RFX8: variants seen among roughly 807,000 people sequenced by gnomAD.
The protein encoded by RFX8 is regulatory factor X8.
A neutral mutation model predicts 54.6 loss-of-function variants in RFX8; 46 were observed. The observed-to-expected ratio is 0.84, with a 90% CI of 0.67 to 1.08. The LOEUF is 1.08. Among genes scored for constraint, RFX8 ranks in the 50% least tolerant of loss-of-function variants. The probability of loss-of-function intolerance (pLI) is 0.00; values close to 1 mark genes in which losing one functional copy is unlikely to be tolerated. For synonymous variants in RFX8, 192 were observed against 209.5 expected (o/e 0.92, Z 0.72); for missense variants, 536 against 562.3 (o/e 0.95, Z 0.47).
chr2:101,465,295 G>T (rs1486971645), intron 2 of RFX8, among the ~76,000 whole-genome samples: 1 of 151,990 alleles, frequency 6.6e-6, no homozygotes, highest in Non-Finnish European at 1.5e-5. Context: ...TCACGAGGTC[G>T]GGAGATCGAG....
intron 2 of RFX8, among the ~76,000 whole-genome samples, chr2:101,451,495 C>T (rs61488668): frequency 0.041 from 6,213 of 151,824 alleles, 388 homozygotes; most frequent in African/African-American, 0.13. Context: ...TGAGACCAGC[C>T]TGGCCAACAT....
At chr2:101,437,273 C>CA (rs1307881742) in intron 2 of RFX8, among the ~76,000 whole-genome samples, 12 of 150,942 alleles carry the variant, frequency 8.0e-5, no homozygotes, top group Admixed American at 4.6e-4. Context: ...CCGTCTCTTA[C>CA]AAAAAAAATA....
intron 3 of RFX8, among the ~76,000 whole-genome samples, chr2:101,422,067 A>G (rs948214583): frequency 1.8e-4 from 28 of 152,044 alleles, no homozygotes; most frequent in African/African-American, 4.8e-5. Flanking sequence ...CTAAACTTCA[A>G]TTTTCCCCCT....
intron 2 of RFX8, chr2:101,450,665 T>A (rs1174828449): frequency 6.7e-7 from 1 of 1,494,170 alleles, no homozygotes; most frequent in African/African-American, 1.4e-5. Flanking sequence ...TGATACAGAT[T>A]CCATCATAAT....
At chr2:101,409,910 G>A (rs1384474672) in intron 9 of RFX8, among the ~76,000 whole-genome samples, 1 of 152,098 alleles carries the variant, frequency 6.6e-6, no homozygotes, top group Non-Finnish European at 1.5e-5. Flanking sequence ...CTGCCCCCAT[G>A]GAGGATGATG....
chr2:101,432,572 C>T (rs1233799580), intron 2 of RFX8, among the ~76,000 whole-genome samples: 2 of 152,168 alleles, frequency 1.3e-5, no homozygotes, highest in Non-Finnish European at 2.9e-5. Flanking sequence ...TGGAGGTGGC[C>T]GTTTCAGACA....
Position 101,421,775 on chromosome 2 carries a change from C to T in RFX8, c.186G>A (p.Met62Ile), listed in dbSNP as rs896621403. 29 of 1,548,362 alleles carry T rather than the reference C, an allele frequency of 1.9e-5. No individual in the cohort carries two copies. In the Admixed American group the frequency reaches 3.6e-4, roughly 19 times the overall value. Residue 62 changes from methionine to isoleucine, a missense_variant and splice_region_variant, in exon 4 of 12, where the codon ATG becomes ATA. Physicochemically the swap from Met to Ile is conservative, Grantham distance 10. Coordinates refer to ENST00000428343, the MANE Select transcript of RFX8 (RefSeq NM_001145664.2). ...TGCAGTATTCGTCAGCAAGGAAGGC[C>T]ATCTAGGAAGAATATGGAAAATTAT... ...EQAKKYSCNM[M>I]AFLADEYCNY...
intron 2 of RFX8, among the ~76,000 whole-genome samples, chr2:101,463,257 C>T (rs1290582899): frequency 6.6e-6 from 1 of 152,328 alleles, no homozygotes; most frequent in East Asian, 1.9e-4. Context: ...TAACACTAAT[C>T]CCCCACAACG....
At position 101,469,290 on chromosome 2, in the gene RFX8, G is replaced by T. The variant is rs888932184; in HGVS notation, c.-52-2390C>A. The stretch of plus-strand genomic sequence containing the variant: ...CTGCCTTAGCCTCCTGAATAGCTGC[G>T]ACTACAGGCGTGTGACCATGTCCAG... On this transcript the variant is annotated intron_variant, in intron 1 of 11. Coordinates refer to ENST00000428343, the MANE Select transcript of RFX8 (RefSeq NM_001145664.2). 2.0e-5 allele frequency among the ~76,000 whole-genome samples: 3 copies of T among 147,320 alleles called. No homozygotes were observed. In the East Asian group the frequency reaches 6.0e-4, roughly 29 times the overall value.
chr2:101,401,003 AG>A (rs1235951962), intron 11 of RFX8, among the ~76,000 whole-genome samples: 1 of 152,226 alleles, frequency 6.6e-6, no homozygotes, highest in Admixed American at 6.5e-5. Flanking sequence ...CTGCCAGCTA[AG>A]GAGGCCCAGC....
At chr2:101,438,702 G>A (rs1436132347) in intron 2 of RFX8, among the ~76,000 whole-genome samples, 1 of 152,202 alleles carries the variant, frequency 6.6e-6, no homozygotes, top group African/African-American at 2.4e-5. Context: ...CCCATTGTGT[G>A]AGTGACCTAG....
chr2:101,422,229 T>A, intron 3 of RFX8, 133 bp downstream of exon 3: 1 of 622,448 alleles, frequency 1.6e-6, no homozygotes. Flanking sequence ...AGGTTGCTGG[T>A]CCTCACGGGT....
intron 2 of RFX8, among the ~76,000 whole-genome samples, chr2:101,447,318 C>T (rs1688442485): frequency 6.6e-6 from 1 of 152,182 alleles, no homozygotes; most frequent in African/African-American, 2.4e-5. Flanking sequence ...ATAGCTATTT[C>T]AGTGCCCACT....
chr2:101,452,105 T>C (rs2148973889), intron 2 of RFX8, among the ~76,000 whole-genome samples: 1 of 152,258 alleles, frequency 6.6e-6, no homozygotes, highest in South Asian at 2.1e-4. Flanking sequence ...GTTAATTATT[T>C]AAATATTTCA....
In RFX8 at chr2:101,466,444, C is replaced by T. The variant is rs565603527; in HGVS notation, c.72+333G>A. Among the ~76,000 whole-genome samples the T allele has an allele frequency of 5.3e-5, 8 of 152,286 alleles. No homozygotes were observed. In the South Asian group the frequency reaches 1.0e-3, roughly 20 times the overall value. On this transcript the variant is annotated intron_variant, in intron 2 of 11. Coordinates refer to ENST00000428343, the MANE Select transcript of RFX8 (RefSeq NM_001145664.2). ...GCTCTCAGCTTGTGTGGTGCCAAAG[C>T]GGCTCTCAGAGCTTGGCACTTCTAT...
chr2:101,417,512 T>A (rs745983263), intron 6 of RFX8, 22 bp downstream of exon 6: 46 of 1,540,648 alleles, frequency 3.0e-5, no homozygotes, highest in Non-Finnish European at 3.9e-5. Context: ...GCCCAGAATT[T>A]ATTTTTTTCA....
chr2:101,436,119 T>C (rs868125211), intron 2 of RFX8, among the ~76,000 whole-genome samples: 1 of 152,214 alleles, frequency 6.6e-6, no homozygotes, highest in Middle Eastern at 3.4e-3. Context: ...GAGCGGGATG[T>C]GCAGGTTCAG....
chr2:101,398,649 TCTC>T (rs1685259967), intron 11 of RFX8, among the ~76,000 whole-genome samples: 1 of 152,092 alleles, frequency 6.6e-6, no homozygotes, highest in Non-Finnish European at 1.5e-5. Context: ...TAGCTGAAGC[TCTC>T]CTCAGCCACT....
At chr2:101,407,489 C>T (rs1024908755) in intron 9 of RFX8, among the ~76,000 whole-genome samples, 12 of 152,132 alleles carry the variant, frequency 7.9e-5, no homozygotes, top group Admixed American at 4.6e-4. Flanking sequence ...GTCAGGAGTT[C>T]GAGACCAGCC....
Sources: gnomAD v4.1 joint callset for allele counts (sites outside exome capture counted in the v4.1 genomes callset) on GRCh38, gnomAD v4.1.1 for gene constraint, MANE v1.5 for transcripts, NCBI Gene and HGNC (gene_info 2026-07-23, HGNC 2026-07-21) for gene names.